Variants in ZNF75D observed in about 807,000 individuals in gnomAD.
ZNF75D encodes zinc finger protein 75.
A neutral mutation model predicts 33.3 loss-of-function variants in ZNF75D; 33 were observed. The observed-to-expected ratio is 0.99, with a 90% CI of 0.75 to 1.32. ZNF75D has a LOEUF of 1.32. ZNF75D is among the 40% of genes most tolerant of loss of function. The pLI, the probability that ZNF75D is intolerant of heterozygous loss-of-function variation, is 0.00. For synonymous variants in ZNF75D, 113 were observed against 130.6 expected (o/e 0.87, Z 0.92); for missense variants, 338 against 367.5 (o/e 0.92, Z 0.66).
At chrX:135,301,491 G>A (rs1556424667) in intron 1 of ZNF75D, among the ~76,000 whole-genome samples, 1 of 111,916 alleles carries the variant, frequency 8.9e-6, no homozygotes, top group African/African-American at 3.3e-5. Flanking sequence ...AAAAGAAAAT[G>A]CATTACTTCC....
intron 1 of ZNF75D, among the ~76,000 whole-genome samples, chrX:135,266,794 C>T (rs1290986893): frequency 8.9e-6 from 1 of 111,944 alleles, no homozygotes. Flanking sequence ...TAGATATTTA[C>T]AGAACATTTC....
chrX:135,312,106 C>G (rs2084365258), intron 1 of ZNF75D, among the ~76,000 whole-genome samples: 1 of 111,639 alleles, frequency 9.0e-6, no homozygotes. Context: ...TTCCATCTAC[C>G]TGTATGTTTG....
At chrX:135,314,364 C>CT (rs1436271863) in intron 1 of ZNF75D, among the ~76,000 whole-genome samples, 3 of 111,596 alleles carry the variant, frequency 2.7e-5, no homozygotes, top group Non-Finnish European at 5.7e-5. Context: ...GGTGTATTAT[C>CT]TTTTTTGATG....
rs1166663321 is a variant in ZNF75D at position 135,264,573 on chromosome X, CAG to C, written n.828-8798_828-8797del. On this transcript the variant is annotated intron_variant and non_coding_transcript_variant, in intron 1 of 3. Transcript: ENST00000494295. ...GCAGCAGGGACCAATTCATGAGAAACAGAGATATGTGGCATTTCAGACAAAGA... is the reference window on the plus strand; with the variant it reads ...GCAGCAGGGACCAATTCATGAGAAACAGATATGTGGCATTTCAGACAAAGA... Among the ~76,000 whole-genome samples, 6 of 111,797 alleles carry C rather than the reference CAG, an allele frequency of 5.4e-5. No individual in the cohort carries two copies. The East Asian group carries it at 1.7e-3, about 32-fold the overall frequency.
chrX:135,288,074 G>A (rs2083983199), intron 6 of ZNF75D, among the ~76,000 whole-genome samples: 1 of 111,138 alleles, frequency 9.0e-6, no homozygotes, highest in African/African-American at 3.3e-5. Context: ...TTCTAAAAAT[G>A]GTAAGAAAAA....
rs1427106726 is a variant in ZNF75D, at chrX:135,249,103, G to A, written n.1495C>T. The A allele has an allele frequency of 1.1e-3, 348 of 321,499 alleles. 10 individuals are homozygous for A. Among genetic ancestry groups the A allele is most frequent in the Non-Finnish European group, 1.5e-3 (254 of 165,318 alleles). 26.5% of individuals were successfully genotyped at this position (321,499 alleles called of 1,213,427 possible). Reference sequence around the variant, plus strand: ...TGTCCACAGCCACTCTGTCAGATCCGCATCGTTTCTATGATTCCCAAGCTG... The same window carrying A: ...TGTCCACAGCCACTCTGTCAGATCCACATCGTTTCTATGATTCCCAAGCTG... On this transcript the variant is annotated non_coding_transcript_exon_variant, in exon 4 of 4. Coordinates refer to the ZNF75D transcript ENST00000494295.
chrX:135,290,430 C>T (rs1449584327), intron 6 of ZNF75D, among the ~76,000 whole-genome samples: 1 of 112,241 alleles, frequency 8.9e-6, no homozygotes, highest in Non-Finnish European at 1.9e-5. Context: ...AACAAGGCAA[C>T]CTGACCTGCA....
intron 1 of ZNF75D, among the ~76,000 whole-genome samples, chrX:135,302,762 C>T (rs1277281618): frequency 3.6e-5 from 4 of 111,326 alleles, no homozygotes; most frequent in African/African-American, 1.3e-4. Context: ...TGCCCCTCCA[C>T]ACCTGTGGGT....
intron 1 of ZNF75D, among the ~76,000 whole-genome samples, chrX:135,318,417 T>C (rs1244456716): frequency 9.0e-6 from 1 of 111,055 alleles, no homozygotes; most frequent in Non-Finnish European, 1.9e-5. Flanking sequence ...TAAAGAGTGT[T>C]TCTACATAAT....
intron 6 of ZNF75D, among the ~76,000 whole-genome samples, chrX:135,290,333 C>T (rs1053963372): frequency 1.7e-4 from 19 of 111,813 alleles, no homozygotes; most frequent in African/African-American, 6.2e-4. Context: ...AGTTGTGGAA[C>T]TCATTTTGAA....
intron 1 of ZNF75D, among the ~76,000 whole-genome samples, chrX:135,318,031 T>C (rs1343803218): frequency 9.3e-6 from 1 of 107,935 alleles, no homozygotes; most frequent in Non-Finnish European, 1.9e-5. Flanking sequence ...TGGTAGCCTA[T>C]GCTCACTTGT....
At position 135,287,078 on chromosome X, in the gene ZNF75D, C is replaced by T. The variant is rs1274325925; in HGVS notation, c.*59G>A. 8 of 929,035 alleles carry T rather than the reference C, an allele frequency of 8.6e-6. No homozygotes were observed. The African/African-American group carries it at 1.4e-4, about 16-fold the overall frequency. 76.6% of individuals were successfully genotyped at this position (929,035 alleles called of 1,213,427 possible). ...AATCACAGATTCCTATCATTGGGTG[C>T]CTCATAATTTTGTATTCTTTCACCA... On this transcript the variant is annotated 3_prime_UTR_variant, in exon 7 of 7. Coordinates refer to ENST00000370766, the MANE Select transcript of ZNF75D (RefSeq NM_007131.5).
chrX:135,291,482 G>A lies in ZNF75D; in HGVS notation c.686C>T (p.Pro229Leu), dbSNP rs1201788522. The A allele has an allele frequency of 8.3e-7, 1 of 1,210,290 alleles. No homozygotes were observed. Among genetic ancestry groups the A allele is most frequent in the Non-Finnish European group, 1.1e-6 (1 of 895,185 alleles). Residue 229 changes from proline (P) to leucine (L), a missense_variant, in exon 5 of 7, where the codon CCT becomes CTT. Transcript: ENST00000370766. ...HWKMASKLILPESLSLLTFED... is the reference protein window; with the variant it reads ...HWKMASKLILLESLSLLTFED... ...GAAATAACAGCTCACCAGGGACTCA[G>A]GCAGGATGAGTTTAGATGCCATCTT...
chrX:135,318,959 G>A (rs782617899), intron 1 of ZNF75D, among the ~76,000 whole-genome samples: 1 of 112,118 alleles, frequency 8.9e-6, no homozygotes, highest in East Asian at 2.8e-4. Flanking sequence ...AAAAATGGCA[G>A]TAGTCACAGA....
intron 1 of ZNF75D, among the ~76,000 whole-genome samples, chrX:135,302,030 G>C (rs2084224142): frequency 8.9e-6 from 1 of 112,254 alleles, no homozygotes. Context: ...AGCTGTCAAG[G>C]CTTGGGGCTT....
chrX:135,332,737 T>C (rs782678553), intron 1 of ZNF75D, among the ~76,000 whole-genome samples: 1 of 112,419 alleles, frequency 8.9e-6, no homozygotes, highest in Non-Finnish European at 1.9e-5. Context: ...GTCTCAGACT[T>C]GGCTGACTTC....
At chrX:135,315,192 G>T (rs1296840071) in intron 1 of ZNF75D, among the ~76,000 whole-genome samples, 1 of 111,509 alleles carries the variant, frequency 9.0e-6, no homozygotes, top group African/African-American at 3.3e-5. Flanking sequence ...TTTCTTCATT[G>T]AGCCAGTGGT....
intron 1 of ZNF75D, among the ~76,000 whole-genome samples, chrX:135,267,055 T>G (rs183837613): frequency 1.8e-5 from 2 of 111,319 alleles, no homozygotes; most frequent in African/African-American, 6.5e-5. Context: ...ATTGAAAAAT[T>G]TCTTGAAAAA....
chrX:135,262,880 G>C, intron 1 of ZNF75D, among the ~76,000 whole-genome samples: 1 of 112,485 alleles, frequency 8.9e-6, no homozygotes, highest in Non-Finnish European at 1.9e-5. Flanking sequence ...GGTGCTCTGA[G>C]TTTTAGAATT....
Sources: allele counts gnomAD v4.1 joint callset (sites outside exome capture counted in the v4.1 genomes callset), GRCh38; gene constraint gnomAD v4.1.1; transcripts MANE v1.5; gene names NCBI Gene and HGNC (gene_info 2026-07-23, HGNC 2026-07-21).